The following BMP2K variants were observed in gnomAD, a reference collection of about 807,000 sequenced individuals.
The protein encoded by BMP2K is BMP-2-inducible protein kinase.
In BMP2K, 74 loss-of-function variants were observed where a neutral mutation model predicts 116.0. The observed-to-expected ratio is 0.64, with a 90% CI of 0.53 to 0.77. The LOEUF (loss-of-function observed/expected upper bound fraction) is 0.77, where lower values mean the gene tolerates loss of function less well. Among genes scored for constraint, BMP2K ranks in the 30% least tolerant of loss-of-function variants. The pLI is 0.00. For synonymous variants in BMP2K, 486 were observed against 502.5 expected, an observed-to-expected ratio of 0.97 and a Z score of 0.44; for missense variants, 1,365 against 1,403.6, an observed-to-expected ratio of 0.97 and a Z score of 0.44.
chr4:78,886,234 C>T (rs1018330722), intron 14 of BMP2K, among the ~76,000 whole-genome samples: 2 of 152,062 alleles, frequency 1.3e-5, no homozygotes, highest in African/African-American at 2.4e-5. Context: ...CAAAACACAC[C>T]GGGCCTCTTG....
chr4:78,786,705 T>G (rs1295512755), intron 1 of BMP2K, among the ~76,000 whole-genome samples: 9 of 152,166 alleles, frequency 5.9e-5, no homozygotes, highest in African/African-American at 1.9e-4. Context: ...TTTAAAATAG[T>G]TACTTTTTTG....
At chr4:78,782,874 A>T (rs2109918631) in intron 1 of BMP2K, among the ~76,000 whole-genome samples, 1 of 152,280 alleles carries the variant, frequency 6.6e-6, no homozygotes, top group Admixed American at 6.5e-5. Flanking sequence ...AGTAGTACTT[A>T]CTCAGCACCC....
At chr4:78,807,955 C>A (rs60981779) in intron 1 of BMP2K, among the ~76,000 whole-genome samples, 4,576 of 152,056 alleles carry the variant, frequency 0.03, 204 homozygotes, top group African/African-American at 0.093. Context: ...TTTCTCTATA[C>A]TTTTTTTATT....
intron 1 of BMP2K, among the ~76,000 whole-genome samples, chr4:78,780,194 A>G (rs1727437891): frequency 6.6e-6 from 1 of 152,166 alleles, no homozygotes; most frequent in South Asian, 2.1e-4. Flanking sequence ...GTTTTCCCTA[A>G]ATGTCCTTGG....
At chr4:78,882,013 A>C (rs904416390) in intron 14 of BMP2K, among the ~76,000 whole-genome samples, 1 of 152,068 alleles carries the variant, frequency 6.6e-6, no homozygotes, top group Non-Finnish European at 1.5e-5. Flanking sequence ...GAAAGCCTTT[A>C]TATGGTCCTT....
intron 7 of BMP2K, chr4:78,859,148 A>G (rs1731647042): frequency 6.6e-6 from 1 of 152,430 alleles, no homozygotes; most frequent in South Asian, 2.1e-4. Flanking sequence ...AACATATACA[A>G]TTTAGGCTTT....
chr4:78,846,259 G>A (rs556537720), intron 5 of BMP2K, among the ~76,000 whole-genome samples: 84 of 151,424 alleles, frequency 5.5e-4, no homozygotes, highest in Non-Finnish European at 1.0e-3. Flanking sequence ...ATTTATTAAG[G>A]GCCAACACTT....
At chr4:78,851,872 AG>A (rs1397636460) in intron 7 of BMP2K, among the ~76,000 whole-genome samples, 3 of 152,144 alleles carry the variant, frequency 2.0e-5, no homozygotes, top group Non-Finnish European at 4.4e-5. Flanking sequence ...TATTAAAAAA[AG>A]ATTAATCCAT....
intron 15 of BMP2K, among the ~76,000 whole-genome samples, chr4:78,901,206 G>T (rs1450037931): frequency 6.6e-6 from 1 of 151,720 alleles, no homozygotes; most frequent in Non-Finnish European, 1.5e-5. Flanking sequence ...ACCATTCTCA[G>T]CTACTTTTTT....
chr4:78,866,778 G>A (rs1233189198), intron 10 of BMP2K, among the ~76,000 whole-genome samples: 2 of 152,116 alleles, frequency 1.3e-5, no homozygotes, highest in African/African-American at 4.8e-5. Context: ...AGCCTTCCAA[G>A]TAGCTGGGAT....
intron 1 of BMP2K, among the ~76,000 whole-genome samples, chr4:78,801,877 C>G (rs1243874877): frequency 1.3e-5 from 2 of 152,116 alleles, no homozygotes; most frequent in Non-Finnish European, 2.9e-5. Context: ...TTTAAAAAAT[C>G]TACAGTTTAG....
At chr4:78,783,952 T>C (rs1727620991) in intron 1 of BMP2K, among the ~76,000 whole-genome samples, 1 of 152,194 alleles carries the variant, frequency 6.6e-6, no homozygotes, top group Non-Finnish European at 1.5e-5. Flanking sequence ...AAAGGCTATG[T>C]CTTCGATATT....
chr4:78,880,578 G>T (rs948317794), intron 14 of BMP2K, among the ~76,000 whole-genome samples: 1 of 152,166 alleles, frequency 6.6e-6, no homozygotes, highest in African/African-American at 2.4e-5. Flanking sequence ...TTATAAAAAT[G>T]TGTTATTCTA....
intron 1 of BMP2K, among the ~76,000 whole-genome samples, chr4:78,813,818 C>T (rs892673793): frequency 6.6e-6 from 1 of 152,142 alleles, no homozygotes; most frequent in African/African-American, 2.4e-5. Flanking sequence ...TCAGGACTTA[C>T]CGTTGTCTTC....
chr4:78,789,792 G>A (rs562411332), intron 1 of BMP2K, among the ~76,000 whole-genome samples: 1 of 152,314 alleles, frequency 6.6e-6, no homozygotes, highest in African/African-American at 2.4e-5. Flanking sequence ...TAGCGTAAAG[G>A]TGCAATACTT....
At chr4:78,794,215 C>CT (rs1466691388) in intron 1 of BMP2K, among the ~76,000 whole-genome samples, 2 of 149,942 alleles carry the variant, frequency 1.3e-5, no homozygotes, top group Non-Finnish European at 3.0e-5. Flanking sequence ...ATTTGGTAGG[C>CT]TGAGTGAAAT....
chr4:78,844,032 T>G lies in BMP2K; in HGVS notation c.547-896T>G, dbSNP rs921237792. ...GAAGAAAAGTTATAATAAAACAGTA[T>G]TTCGATAAAATGGAAATAAATGAAT... On this transcript the variant is annotated intron_variant, in intron 4 of 15. Transcript: ENST00000502613. 5.9e-5 allele frequency among the ~76,000 whole-genome samples: 9 copies of G among 151,934 alleles called. No individual in the cohort carries two copies. The East Asian group carries it at 1.7e-3, about 29-fold the overall frequency.
intron 14 of BMP2K, among the ~76,000 whole-genome samples, chr4:78,880,369 G>C (rs1008676193): frequency 5.9e-5 from 9 of 152,210 alleles, no homozygotes; most frequent in African/African-American, 2.2e-4. Context: ...ACCATGCCCA[G>C]CTCTTTCAGA....
intron 15 of BMP2K, among the ~76,000 whole-genome samples, chr4:78,902,695 T>C (rs1046287304): frequency 2.6e-5 from 4 of 152,146 alleles, no homozygotes; most frequent in Non-Finnish European, 5.9e-5. Flanking sequence ...AAGCTTCTTA[T>C]ATGATTAAAA....
Sources: allele counts gnomAD v4.1 joint callset (sites outside exome capture counted in the v4.1 genomes callset), GRCh38; gene constraint gnomAD v4.1.1; transcripts MANE v1.5; gene names NCBI Gene and HGNC (gene_info 2026-07-23, HGNC 2026-07-21).